Variants in ITPK1 observed in about 807,000 individuals in gnomAD.
ITPK1 encodes the protein inositol-tetrakisphosphate 1-kinase, also known as inositol 1,3,4-trisphosphate 5/6-kinase.
ITPK1 carries 21 observed loss-of-function variants against 45.3 expected under a neutral mutation model. The ratio of observed to expected loss-of-function variants is 0.46; its 90% confidence interval spans 0.33 to 0.67. The LOEUF (loss-of-function observed/expected upper bound fraction) is 0.67, where lower values mean the gene tolerates loss of function less well. Among genes scored for constraint, ITPK1 ranks in the 30% least tolerant of loss-of-function variants. ITPK1 has a pLI of 0.02. For missense variants in ITPK1, 474 were observed against 573.5 expected, an observed-to-expected ratio of 0.83 and a Z score of 1.77; for synonymous variants, 258 against 253.6, an observed-to-expected ratio of 1.02 and a Z score of -0.16.
At chr14:93,052,736 G>A (rs1890066754) in intron 3 of ITPK1, among the ~76,000 whole-genome samples, 2 of 152,176 alleles carry the variant, frequency 1.3e-5, no homozygotes, top group Admixed American at 1.3e-4. Flanking sequence ...TCCCCAAGGG[G>A]CTGGTGGTAC....
intron 4 of ITPK1, among the ~76,000 whole-genome samples, chr14:93,009,693 G>T (rs1332475930): frequency 6.6e-6 from 1 of 152,208 alleles, no homozygotes; most frequent in East Asian, 1.9e-4. Flanking sequence ...AACAGGACAT[G>T]ATCTGTTTCT....
intron 3 of ITPK1, among the ~76,000 whole-genome samples, chr14:93,055,361 C>T (rs1032289892): frequency 6.6e-5 from 10 of 152,182 alleles, no homozygotes; most frequent in Non-Finnish European, 1.5e-4. Flanking sequence ...TCAGCATCTC[C>T]TCAGCTTTAA....
At chr14:93,111,147 G>C (rs755899629) in intron 2 of ITPK1, among the ~76,000 whole-genome samples, 2 of 152,106 alleles carry the variant, frequency 1.3e-5, no homozygotes, top group Non-Finnish European at 2.9e-5. Flanking sequence ...AGACAGATAA[G>C]GTTCACCCAA....
chr14:93,074,003 C>T (rs1253889105), intron 3 of ITPK1, among the ~76,000 whole-genome samples: 1 of 152,218 alleles, frequency 6.6e-6, no homozygotes, highest in East Asian at 1.9e-4. Context: ...ACACCCCCAG[C>T]TCCCAGGGCC....
intron 3 of ITPK1, among the ~76,000 whole-genome samples, chr14:93,048,730 C>T (rs61991664): frequency 0.11 from 16,631 of 152,226 alleles, 1,198 homozygotes; most frequent in Non-Finnish European, 0.15. Context: ...GGGTGGATTG[C>T]TTAAGCTCAG....
intron 4 of ITPK1, among the ~76,000 whole-genome samples, chr14:93,003,972 A>C (rs375699470): frequency 1.1e-4 from 16 of 152,354 alleles, no homozygotes; most frequent in Admixed American, 5.2e-4. Flanking sequence ...CTGCCTCTTA[A>C]GTTCTAGATT....
chr14:93,027,798 T>G (rs1888816007), intron 3 of ITPK1, among the ~76,000 whole-genome samples: 1 of 152,108 alleles, frequency 6.6e-6, no homozygotes, highest in Non-Finnish European at 1.5e-5. Flanking sequence ...ACAACCTCAG[T>G]CTCACCCAGG....
chr14:93,077,193 A>G (rs1422818927), intron 2 of ITPK1, among the ~76,000 whole-genome samples: 1 of 152,068 alleles, frequency 6.6e-6, no homozygotes, highest in African/African-American at 2.4e-5. Flanking sequence ...CCCCGCTCAC[A>G]TGCAGTCCCA....
chr14:92,989,414 A>G (rs561531507), intron 5 of ITPK1, among the ~76,000 whole-genome samples: 26 of 152,162 alleles, frequency 1.7e-4, no homozygotes, highest in South Asian at 8.3e-4. Flanking sequence ...CTGTTGCCCA[A>G]TGGTCTGAGA....
chr14:93,048,290 T>G lies in ITPK1; in HGVS notation c.120+28305A>C, dbSNP rs992007664. 2.6e-5 allele frequency among the ~76,000 whole-genome samples: 4 copies of G among 152,270 alleles called. No individual in the cohort carries two copies. In the East Asian group the frequency reaches 7.7e-4, roughly 29 times the overall value. ...GGCCTTCAAAGCTTTGTTTCAATGA[T>G]GGCCAGTCTTTACGTCAAGGGTGCA... On this transcript the variant is annotated intron_variant, in intron 3 of 10. Coordinates refer to ENST00000267615, the MANE Select transcript of ITPK1 (RefSeq NM_014216.6).
intron 2 of ITPK1, among the ~76,000 whole-genome samples, chr14:93,083,684 A>T (rs759347930): frequency 1.4e-4 from 22 of 152,118 alleles, no homozygotes; most frequent in Non-Finnish European, 2.5e-4. Context: ...GAAGCCCAGG[A>T]TGTCTCCCCA....
intron 4 of ITPK1, among the ~76,000 whole-genome samples, chr14:93,009,303 C>A (rs569001090): frequency 2.8e-4 from 43 of 152,294 alleles, no homozygotes; most frequent in Admixed American, 2.7e-3. Flanking sequence ...ACTCAACATG[C>A]CCCCAGACCT....
At chr14:93,027,373 G>A (rs936793904) in intron 3 of ITPK1, among the ~76,000 whole-genome samples, 4 of 152,160 alleles carry the variant, frequency 2.6e-5, no homozygotes, top group East Asian at 3.8e-4. Flanking sequence ...AACATCCATC[G>A]AGCACCTCTG....
intron 3 of ITPK1, among the ~76,000 whole-genome samples, chr14:93,033,124 A>AG (rs771094474): frequency 1.3e-5 from 2 of 152,216 alleles, no homozygotes; most frequent in Non-Finnish European, 2.9e-5. Flanking sequence ...GTTGGGTCCC[A>AG]GTTTTTGCTC....
At chr14:92,993,740 G>T in intron 5 of ITPK1, 140 bp downstream of exon 5, 1 of 638,162 alleles carries the variant, frequency 1.6e-6, no homozygotes. Context: ...CAGAATGACT[G>T]CACCATGGAA....
At chr14:93,004,294 GTC>G (rs936585571) in intron 4 of ITPK1, among the ~76,000 whole-genome samples, 1 of 152,272 alleles carries the variant, frequency 6.6e-6, no homozygotes, top group Admixed American at 6.5e-5. Flanking sequence ...GTTCCCTGCG[GTC>G]TCTGTTTTGC....
rs986072864 is a variant in ITPK1 at position 93,108,000 on chromosome 14, G to T, written c.95+7069C>A. On this transcript the variant is annotated intron_variant, in intron 2 of 10. Transcript: ENST00000267615. ...CCTGTTCACAAGGAGGCTTTGGCCA[G>T]TGGTGAGTGGGGAGCACTCGGCTTG... Among the ~76,000 whole-genome samples, 6 of 152,238 alleles carry T rather than the reference G, an allele frequency of 3.9e-5. No individual in the cohort carries two copies. In the East Asian group the frequency reaches 7.7e-4, roughly 20 times the overall value.
In ITPK1 at chr14:93,115,779, C is replaced by A. The variant is rs1296956703; in HGVS notation, c.-150G>T. On this transcript the variant is annotated 5_prime_UTR_variant, in exon 1 of 11. Coordinates refer to ENST00000267615, the MANE Select transcript of ITPK1 (RefSeq NM_014216.6). The stretch of plus-strand genomic sequence containing the variant: ...CCGGCCAGAGATCCTCACCCGCCGC[C>A]GCCGCCGCCACTTCCTCCTCGGCCT... 1 of 150,018 alleles carries A rather than the reference C, an allele frequency of 6.7e-6. No individual in the cohort carries two copies. The highest frequency in any genetic ancestry group is 1.5e-5 in the Non-Finnish European group (1 of 66,998). 9.3% of individuals were successfully genotyped at this position (150,018 alleles called of 1,614,324 possible).
intron 2 of ITPK1, among the ~76,000 whole-genome samples, chr14:93,086,386 G>T (rs1249884128): frequency 6.6e-6 from 1 of 152,232 alleles, no homozygotes. Flanking sequence ...GCAGCTCCTG[G>T]TCCCTGGATC....
Sources: allele counts gnomAD v4.1 joint callset (sites outside exome capture counted in the v4.1 genomes callset), GRCh38; gene constraint gnomAD v4.1.1; transcripts MANE v1.5; gene names NCBI Gene and HGNC (gene_info 2026-07-23, HGNC 2026-07-21).